CELF4: variants seen among roughly 807,000 people sequenced by gnomAD.
The protein encoded by CELF4 is CUGBP Elav-like family member 4.
A neutral mutation model predicts 59.9 loss-of-function variants in CELF4; 18 were observed. The ratio of observed to expected loss-of-function variants is 0.30; its 90% CI spans 0.21 to 0.45. The LOEUF (loss-of-function observed/expected upper bound fraction) is 0.45. Among genes scored for constraint, CELF4 ranks in the 20% least tolerant of loss-of-function variants. The pLI is 1.00. For synonymous variants in CELF4, 261 were observed against 267.1 expected (o/e 0.98, Z 0.22); for missense variants, 456 against 689.0 (o/e 0.66, Z 3.79).
intron 2 of CELF4, among the ~76,000 whole-genome samples, chr18:37,410,424 T>C (rs1603637446): frequency 6.6e-6 from 1 of 152,322 alleles, no homozygotes; most frequent in East Asian, 1.9e-4. Context: ...CAGGCCAGTG[T>C]GGGCACGCTG....
At chr18:37,361,378 C>T (rs1490376485) in intron 2 of CELF4, among the ~76,000 whole-genome samples, 12 of 152,182 alleles carry the variant, frequency 7.9e-5, no homozygotes, top group Admixed American at 3.3e-4. Context: ...AGCTGCCTGA[C>T]GGGTTCCTGT....
At chr18:37,417,663 T>G (rs1308632908) in intron 2 of CELF4, among the ~76,000 whole-genome samples, 4 of 152,068 alleles carry the variant, frequency 2.6e-5, no homozygotes, top group Non-Finnish European at 5.9e-5. Flanking sequence ...GCCCATCAGG[T>G]CAAATAGGAG....
At chr18:37,326,747 C>T (rs924990372) in intron 2 of CELF4, among the ~76,000 whole-genome samples, 1 of 152,174 alleles carries the variant, frequency 6.6e-6, no homozygotes, top group Non-Finnish European at 1.5e-5. Flanking sequence ...AGATCTGGAG[C>T]TGTCTCTGCT....
rs767498455 is a variant in CELF4 at position 37,259,219 on chromosome 18, A to G, written c.1295T>C (p.Phe432Ser). 2 of 1,554,252 alleles carry G rather than the reference A, an allele frequency of 1.3e-6. No homozygotes were observed. Among genetic ancestry groups the G allele is most frequent in the East Asian group, 2.6e-5 (1 of 38,378 alleles). ...NLFIYHLPQE[F>S]GDAELMQMFL... Reference sequence around the variant, plus strand: ...CATCTGCATCAGCTCAGCGTCCCCAAACTCCTGGGGCAGATGGTAGATGAA... The same window carrying G: ...CATCTGCATCAGCTCAGCGTCCCCAGACTCCTGGGGCAGATGGTAGATGAA... Residue 432 changes from phenylalanine (F) to serine (S), a missense_variant, in exon 11 of 13, where the codon TTT (phenylalanine) becomes TCT (serine). This residue lies in a region of CELF4 where 256 missense variants were observed against 340.8 expected (regional missense o/e 0.75). Coordinates refer to ENST00000420428, the MANE Select transcript of CELF4 (RefSeq NM_020180.4).
chr18:37,472,929 G>A (rs1654209524), intron 2 of CELF4, among the ~76,000 whole-genome samples: 1 of 152,262 alleles, frequency 6.6e-6, no homozygotes, highest in East Asian at 1.9e-4. Context: ...ATAAAATCAT[G>A]GGATCTTAAC....
At chr18:37,536,881 G>A (rs1409726552) in intron 1 of CELF4, among the ~76,000 whole-genome samples, 1 of 152,212 alleles carries the variant, frequency 6.6e-6, no homozygotes, top group African/African-American at 2.4e-5. Context: ...TGTGCTCTGC[G>A]AAGGGAGAGA....
chr18:37,515,721 G>A (rs1309471191), intron 1 of CELF4, among the ~76,000 whole-genome samples: 1 of 152,160 alleles, frequency 6.6e-6, no homozygotes, highest in Non-Finnish European at 1.5e-5. Flanking sequence ...TGGGGCATGG[G>A]GAGCTCTGGG....
chr18:37,545,828 G>A lies in CELF4; in HGVS notation c.286+19528C>T, dbSNP rs189651843. On this transcript the variant is annotated intron_variant, in intron 1 of 12. Transcript: ENST00000420428. ...AAGAGACCTCAGGGCTACCTTCTGG[G>A]GAGCTGACCCCCTCTTCTTCCGGTC... 5.6e-3 allele frequency among the ~76,000 whole-genome samples: 856 copies of A among 152,196 alleles called. 8 individuals are homozygous for A. Among genetic ancestry groups the A allele is most frequent in the Non-Finnish European group, 9.7e-3 (657 of 68,008 alleles).
intron 9 of CELF4, 124 bp downstream of exon 9, chr18:37,266,409 T>G (rs571525685): frequency 2.2e-5 from 23 of 1,026,774 alleles, no homozygotes; most frequent in Admixed American, 1.2e-4. Flanking sequence ...CAGCCCTCCC[T>G]CTTTCCACTC....
At chr18:37,275,858 G>A (rs1281904514) in intron 3 of CELF4, 2 of 152,554 alleles carry the variant, frequency 1.3e-5, no homozygotes, top group Non-Finnish European at 2.9e-5. Context: ...TGACTACTTT[G>A]TGGGTTTCCG....
intron 2 of CELF4, among the ~76,000 whole-genome samples, chr18:37,404,980 AAAAAC>A (rs1360679695): frequency 6.6e-6 from 1 of 152,150 alleles, no homozygotes; most frequent in Non-Finnish European, 1.5e-5. Flanking sequence ...TTCCTTGTAA[AAAAAC>A]AAAACAAAAC....
intron 2 of CELF4, among the ~76,000 whole-genome samples, chr18:37,365,468 G>A (rs1475327809): frequency 1.3e-5 from 2 of 149,942 alleles, no homozygotes; most frequent in African/African-American, 4.9e-5. Flanking sequence ...GATCCCTGAA[G>A]GCGGATGGGG....
At chr18:37,547,097 C>T (rs904954564) in intron 1 of CELF4, among the ~76,000 whole-genome samples, 4 of 152,004 alleles carry the variant, frequency 2.6e-5, no homozygotes, top group African/African-American at 9.7e-5. Context: ...CATAGGTTTC[C>T]TGTTCCCTGG....
chr18:37,507,650 C>CT (rs2099939574), intron 1 of CELF4, among the ~76,000 whole-genome samples: 2 of 152,190 alleles, frequency 1.3e-5, no homozygotes, highest in African/African-American at 4.8e-5. Flanking sequence ...CGGGCTCCTC[C>CT]TAGAGAAGGC....
intron 2 of CELF4, among the ~76,000 whole-genome samples, chr18:37,408,497 G>GGCGGC (rs1569568993): frequency 1.2e-5 from 1 of 80,456 alleles, no homozygotes; most frequent in Non-Finnish European, 2.8e-5. Context: ...GGTGCCGGGG[G>GGCGGC]GGGGCGCGGT....
intron 2 of CELF4, among the ~76,000 whole-genome samples, chr18:37,418,150 T>A (rs913115356): frequency 3.3e-4 from 50 of 152,314 alleles, no homozygotes; most frequent in African/African-American, 1.2e-3. Flanking sequence ...CCCACCAAGT[T>A]GGAAATCCAC....
intron 2 of CELF4, among the ~76,000 whole-genome samples, chr18:37,450,492 C>A (rs996761784): frequency 5.9e-5 from 9 of 151,872 alleles, no homozygotes. Flanking sequence ...TCTGTCTCCC[C>A]GCCCCCTTTC....
intron 2 of CELF4, among the ~76,000 whole-genome samples, chr18:37,330,436 T>C (rs546447958): frequency 3.0e-4 from 45 of 152,198 alleles, no homozygotes; most frequent in Non-Finnish European, 6.0e-4. Context: ...GTAAATATAT[T>C]AATGCTTTAA....
At chr18:37,435,439 G>T (rs1054922803) in intron 2 of CELF4, among the ~76,000 whole-genome samples, 67 of 152,192 alleles carry the variant, frequency 4.4e-4, no homozygotes, top group African/African-American at 1.6e-3. Context: ...GGGTGGGGCT[G>T]CCCCTTTTGG....
Sources: gnomAD v4.1 joint callset for allele counts (sites outside exome capture counted in the v4.1 genomes callset) on GRCh38, gnomAD v4.1.1 for gene constraint, gnomAD v4.1.1 regional missense constraint, MANE v1.5 for transcripts, NCBI Gene and HGNC (gene_info 2026-07-23, HGNC 2026-07-21) for gene names.